Variants in FANCI observed in about 807,000 individuals in gnomAD.
FANCI encodes the protein Fanconi anemia group I protein.
FANCI carries 156 observed loss-of-function variants against 176.1 expected under a neutral mutation model. That is an observed-to-expected ratio of 0.89 (90% CI 0.78 to 1.01). FANCI has a LOEUF of 1.01. Among genes scored for constraint, FANCI ranks in the 50% least tolerant of loss-of-function variants. FANCI has a pLI of 0.00. For missense variants in FANCI, 1,678 were observed against 1,534.1 expected (o/e 1.09, Z -1.57); for synonymous variants, 613 against 541.7 (o/e 1.13, Z -1.83).
chr15:89,246,023 G>A (rs1414276472), intron 1 of FANCI, among the ~76,000 whole-genome samples: 1 of 152,232 alleles, frequency 6.6e-6, no homozygotes, highest in Non-Finnish European at 1.5e-5. Context: ...GGTAATGGAT[G>A]TGGTGAAGGA....
At chr15:89,288,890 C>T (rs1596298844) in intron 18 of FANCI, among the ~76,000 whole-genome samples, 1 of 152,024 alleles carries the variant, frequency 6.6e-6, no homozygotes, top group African/African-American at 2.4e-5. Context: ...ATCCTCCTGC[C>T]TCAGTCTTCC....
intron 1 of FANCI, 43 bp from the exon 2 acceptor site, chr15:89,247,586 A>G: frequency 7.3e-7 from 1 of 1,374,152 alleles, no homozygotes; most frequent in Non-Finnish European, 1.0e-6. Context: ...AAGTTTGTTT[A>G]TTTCTGGAAT....
At chr15:89,313,949 C>G (rs2055072497) in intron 35 of FANCI, among the ~76,000 whole-genome samples, 1 of 142,624 alleles carries the variant, frequency 7.0e-6, no homozygotes, top group African/African-American at 2.6e-5. Context: ...AATTACAATT[C>G]ACGTTAGGGG....
intron 1 of FANCI, among the ~76,000 whole-genome samples, chr15:89,246,827 GTGA>G (rs1485733614): frequency 1.4e-5 from 2 of 143,264 alleles, no homozygotes; most frequent in Non-Finnish European, 3.0e-5. Flanking sequence ...GTGCAGTGGC[GTGA>G]TCTCCGCTCA....
intron 2 of FANCI, among the ~76,000 whole-genome samples, chr15:89,253,381 G>A (rs1001702857): frequency 6.6e-6 from 1 of 152,128 alleles, no homozygotes; most frequent in Non-Finnish European, 1.5e-5. Context: ...GGGCACAGGG[G>A]CTTATCCCTG....
intron 13 of FANCI, 122 bp from the exon 14 acceptor site, chr15:89,278,565 A>G (rs533263157): frequency 5.6e-6 from 4 of 717,906 alleles, no homozygotes; most frequent in East Asian, 2.7e-5. Flanking sequence ...GATTCACATT[A>G]TATTCTGATT....
intron 28 of FANCI, among the ~76,000 whole-genome samples, chr15:89,304,133 G>A (rs1385357805): frequency 2.0e-5 from 3 of 152,142 alleles, no homozygotes; most frequent in Admixed American, 2.0e-4. Context: ...TAACCACTAT[G>A]GAAAACTGTT....
chr15:89,250,275 C>G (rs948350283), intron 2 of FANCI, among the ~76,000 whole-genome samples: 1 of 152,052 alleles, frequency 6.6e-6, no homozygotes, highest in Non-Finnish European at 1.5e-5. Context: ...TTCACAATAG[C>G]AAAGACTTGG....
rs1019914855 is a variant in FANCI, at chr15:89,309,438, G to A, written c.3651+1766G>A. Among the ~76,000 whole-genome samples the A allele has an allele frequency of 1.7e-4, 26 of 152,240 alleles. No individual in the cohort carries two copies. In the East Asian group the frequency reaches 3.7e-3, roughly 21 times the overall value. On this transcript the variant is annotated intron_variant, in intron 34 of 37. Transcript: ENST00000310775. The stretch of plus-strand genomic sequence containing the variant: ...CGTATATCTCTCACCTTAGAGATTC[G>A]TGGTGTCCATTTGCATATTAAAGGT...
intron 2 of FANCI, 32 bp from the exon 3 acceptor site, chr15:89,258,672 C>A: frequency 6.4e-7 from 1 of 1,557,968 alleles, no homozygotes; most frequent in Non-Finnish European, 8.9e-7. Context: ...AAGACTGTTG[C>A]CAGAGACTTG....
At chr15:89,267,368 A>G (rs988958548) in intron 9 of FANCI, among the ~76,000 whole-genome samples, 4 of 150,060 alleles carry the variant, frequency 2.7e-5, no homozygotes, top group African/African-American at 9.9e-5. Context: ...GCCAGTGATG[A>G]TGCCCTGGAA....
intron 28 of FANCI, among the ~76,000 whole-genome samples, 186 bp downstream of exon 28, chr15:89,304,101 G>A (rs182379674): frequency 1.3e-5 from 2 of 152,258 alleles, no homozygotes; most frequent in African/African-American, 4.8e-5. Flanking sequence ...TCATTCACTG[G>A]GGGTGGAGGT....
At chr15:89,252,728 A>G (rs2052314428) in intron 2 of FANCI, among the ~76,000 whole-genome samples, 1 of 152,224 alleles carries the variant, frequency 6.6e-6, no homozygotes, top group Non-Finnish European at 1.5e-5. Context: ...CCCCATTTAC[A>G]ATAGCAACAG....
intron 18 of FANCI, among the ~76,000 whole-genome samples, chr15:89,288,190 C>G (rs770789745): frequency 1.1e-4 from 16 of 152,226 alleles, no homozygotes; most frequent in Non-Finnish European, 2.2e-4. Context: ...GTGAGCCACT[C>G]TTCTTTAGGG....
intron 10 of FANCI, among the ~76,000 whole-genome samples, chr15:89,270,951 T>A (rs1457203868): frequency 6.6e-6 from 1 of 152,194 alleles, no homozygotes; most frequent in Non-Finnish European, 1.5e-5. Flanking sequence ...CTTTAAAACT[T>A]CTTTATCTTC....
chr15:89,289,544 A>AT (rs1398767498), intron 18 of FANCI, among the ~76,000 whole-genome samples: 15 of 151,934 alleles, frequency 9.9e-5, no homozygotes, highest in Non-Finnish European at 1.9e-4. Flanking sequence ...ACCTCAGGTG[A>AT]TCCCTCCTGC....
intron 1 of FANCI, among the ~76,000 whole-genome samples, chr15:89,246,505 C>T (rs534275388): frequency 2.2e-4 from 33 of 152,266 alleles, no homozygotes; most frequent in African/African-American, 7.9e-4. Flanking sequence ...ACTTCCTACT[C>T]ACTATTTTCC....
intron 20 of FANCI, 69 bp downstream of exon 20, chr15:89,291,783 A>G: frequency 8.1e-7 from 1 of 1,228,300 alleles, no homozygotes; most frequent in Admixed American, 1.7e-5. Context: ...TTGCAAAGAG[A>G]TACCTTTCCC....
At chr15:89,315,480 C>G in intron 37 of FANCI, 91 bp downstream of exon 37, 1 of 860,660 alleles carries the variant, frequency 1.2e-6, no homozygotes, top group Non-Finnish European at 2.0e-6. Context: ...GGAAGGGCAA[C>G]AGAATGGGAA....
Sources: allele counts gnomAD v4.1 joint callset (sites outside exome capture counted in the v4.1 genomes callset), GRCh38; gene constraint gnomAD v4.1.1; transcripts MANE v1.5; gene names NCBI Gene and HGNC (gene_info 2026-07-23, HGNC 2026-07-21).